Variants in MALRD1 observed in about 807,000 individuals in gnomAD.
MALRD1 encodes the protein MAM and LDL-receptor class A domain-containing protein 1.
A neutral mutation model predicts 242.1 loss-of-function variants in MALRD1; 247 were observed. The ratio of observed to expected loss-of-function variants is 1.02; its 90% confidence interval spans 0.92 to 1.13. The LOEUF (loss-of-function observed/expected upper bound fraction) is 1.13. Ranked by LOEUF, MALRD1 falls within the 50% of genes most tolerant of loss-of-function variation. MALRD1 has a pLI of 0.00. For synonymous variants in MALRD1, 995 were observed against 866.6 expected (o/e 1.15, Z -2.60); for missense variants, 2,989 against 2,533.1 (o/e 1.18, Z -3.86).
At chr10:19,375,453 A>G (rs1845554549) in intron 26 of MALRD1, among the ~76,000 whole-genome samples, 1 of 152,094 alleles carries the variant, frequency 6.6e-6, no homozygotes, top group Non-Finnish European at 1.5e-5. Flanking sequence ...ATAGAACAAT[A>G]TATTGGGCTT....
chr10:19,633,486 G>C (rs1351642964), intron 36 of MALRD1, among the ~76,000 whole-genome samples: 1 of 152,100 alleles, frequency 6.6e-6, no homozygotes, highest in Admixed American at 6.6e-5. Context: ...TGGAACATTG[G>C]AAACTCCACT....
intron 18 of MALRD1, among the ~76,000 whole-genome samples, chr10:19,216,709 G>T (rs1486516582): frequency 6.6e-6 from 1 of 151,404 alleles, no homozygotes; most frequent in Non-Finnish European, 1.5e-5. Context: ...ACTTTGGGAG[G>T]CCGAGGTGGG....
chr10:19,530,578 T>G (rs1834368160), intron 31 of MALRD1, among the ~76,000 whole-genome samples: 1 of 149,516 alleles, frequency 6.7e-6, no homozygotes, highest in Admixed American at 6.8e-5. Flanking sequence ...ATATTTCATA[T>G]TTACCTACCC....
chr10:19,217,186 A>G (rs546491892), intron 18 of MALRD1, among the ~76,000 whole-genome samples: 1 of 152,236 alleles, frequency 6.6e-6, no homozygotes, highest in South Asian at 2.1e-4. Flanking sequence ...GTATTTTATT[A>G]CTTAAAACCC....
At chr10:19,456,179 A>G (rs1835638316) in intron 29 of MALRD1, among the ~76,000 whole-genome samples, 1 of 152,228 alleles carries the variant, frequency 6.6e-6, no homozygotes, top group Non-Finnish European at 1.5e-5. Flanking sequence ...ACATTCATAC[A>G]TAGCAAAACA....
At chr10:19,449,862 GA>G (rs1356708372) in intron 28 of MALRD1, among the ~76,000 whole-genome samples, 1 of 152,042 alleles carries the variant, frequency 6.6e-6, no homozygotes, top group Admixed American at 6.5e-5. Context: ...GGAGGGGGAA[GA>G]AAAAAGAAAT....
At chr10:19,624,469 G>A (rs1839552070) in intron 36 of MALRD1, among the ~76,000 whole-genome samples, 1 of 152,080 alleles carries the variant, frequency 6.6e-6, no homozygotes. Context: ...AACCTAAAAA[G>A]TGTGTTATTG....
intron 33 of MALRD1, among the ~76,000 whole-genome samples, chr10:19,583,940 G>T (rs1589266997): frequency 6.6e-6 from 1 of 152,204 alleles, no homozygotes; most frequent in East Asian, 1.9e-4. Context: ...ACTTCTTCCT[G>T]GTTTAGTCTT....
chr10:19,246,050 T>A (rs1251494812), intron 18 of MALRD1, among the ~76,000 whole-genome samples: 1 of 152,122 alleles, frequency 6.6e-6, no homozygotes, highest in African/African-American at 2.4e-5. Context: ...CTTTTGTTAA[T>A]GGTGAAGATT....
At position 19,283,104 on chromosome 10, in the gene MALRD1, A is replaced by T; in HGVS notation, c.3342A>T (p.Thr1114=). The T allele has an allele frequency of 1.3e-6, 2 of 1,549,898 alleles. No homozygotes were observed. Among genetic ancestry groups the T allele is most frequent in the Non-Finnish European group, 1.7e-6 (2 of 1,146,536 alleles). ...TACATTTGCTTCAAGATTCAAACACATTCAGGTGGGGGCTTGGGAACGGGA... is the reference window on the plus strand; with the variant it reads ...TACATTTGCTTCAAGATTCAAACACTTTCAGGTGGGGGCTTGGGAACGGGA... The part of the protein sequence containing the change: ...IPVHLLQDSN[T]FRWGLGNGIS... Residue 1114 remains threonine, a synonymous_variant, in exon 21 of 40, where the codon ACA becomes ACT. Transcript: ENST00000454679.
Position 19,128,266 on chromosome 10 carries a change from A to G in MALRD1, c.989A>G (p.His330Arg), listed in dbSNP as rs969172794. Reference sequence around the variant, plus strand: ...GCTAAGCATGGTTTCACTCTTAACCATTTAGACAGCAGGGCTTACCTAAAT... The same window carrying G: ...GCTAAGCATGGTTTCACTCTTAACCGTTTAGACAGCAGGGCTTACCTAAAT... ...VGAKHGFTLN[H>R]LDSRAYLNSS... Residue 330 changes from histidine to arginine, a missense_variant, in exon 8 of 40, where the codon CAT becomes CGT. Transcript: ENST00000454679. 2.5e-5 allele frequency: 31 copies of G among 1,233,590 alleles called. No individual in the cohort carries two copies. The highest frequency in any genetic ancestry group is 2.9e-5 in the Non-Finnish European group (29 of 987,888). 76.4% of individuals were successfully genotyped at this position (1,233,590 alleles called of 1,614,324 possible). A position where few individuals can be genotyped will look rare whatever the true frequency, so the allele number is the denominator to read the frequency against.
intron 18 of MALRD1, among the ~76,000 whole-genome samples, chr10:19,225,801 A>C (rs1411530480): frequency 6.6e-6 from 1 of 152,218 alleles, no homozygotes; most frequent in Non-Finnish European, 1.5e-5. Flanking sequence ...TGCAGTACTT[A>C]ACTACTTGTT....
chr10:19,556,764 G>C (rs1346561722), intron 32 of MALRD1, among the ~76,000 whole-genome samples: 1 of 152,104 alleles, frequency 6.6e-6, no homozygotes, highest in African/African-American at 2.4e-5. Context: ...CAGCACATCT[G>C]GGTGAATATC....
intron 10 of MALRD1, among the ~76,000 whole-genome samples, chr10:19,137,365 G>T (rs1426515594): frequency 1.3e-5 from 2 of 152,038 alleles, no homozygotes; most frequent in African/African-American, 4.8e-5. Context: ...CAGCACTTTG[G>T]GAGGCTGAGG....
intron 32 of MALRD1, among the ~76,000 whole-genome samples, chr10:19,566,818 C>CT (rs35914841): frequency 1.1e-4 from 16 of 151,872 alleles, no homozygotes; most frequent in African/African-American, 3.9e-4. Context: ...TTAATCTTAA[C>CT]TTTTTTCTCA....
intron 5 of MALRD1, among the ~76,000 whole-genome samples, chr10:19,116,004 A>C (rs1588567126): frequency 1.3e-5 from 2 of 152,338 alleles, no homozygotes; most frequent in East Asian, 1.9e-4. Flanking sequence ...ATATGAAAGA[A>C]ATTGTTTAGC....
chr10:19,284,413 C>T, intron 21 of MALRD1, among the ~76,000 whole-genome samples: 1 of 126,580 alleles, frequency 7.9e-6, no homozygotes, highest in East Asian at 2.7e-4. Flanking sequence ...CCCCCCACCC[C>T]ACCACAGTCC....
chr10:19,105,786 C>T (rs1303409774), intron 5 of MALRD1, among the ~76,000 whole-genome samples: 1 of 151,844 alleles, frequency 6.6e-6, no homozygotes. Flanking sequence ...ATGAATGATG[C>T]TGATAATTTT....
At chr10:19,337,288 TAA>T (rs964051552) in intron 24 of MALRD1, among the ~76,000 whole-genome samples, 2 of 152,122 alleles carry the variant, frequency 1.3e-5, no homozygotes, top group Non-Finnish European at 2.9e-5. Context: ...GAGAAAAAGA[TAA>T]AACATAAGAA....
Sources: gnomAD v4.1 joint callset for allele counts (sites outside exome capture counted in the v4.1 genomes callset) on GRCh38, gnomAD v4.1.1 for gene constraint, MANE v1.5 for transcripts, NCBI Gene and HGNC (gene_info 2026-07-23, HGNC 2026-07-21) for gene names.